EFCAB11: variants seen among roughly 807,000 people sequenced by gnomAD.
The protein encoded by EFCAB11 is EF-hand calcium-binding domain-containing protein 11.
A neutral mutation model predicts 23.0 loss-of-function variants in EFCAB11; 14 were observed. That is an observed-to-expected ratio of 0.61 (90% CI 0.40 to 0.95). The LOEUF (loss-of-function observed/expected upper bound fraction) is 0.95. EFCAB11 is among the 40% of genes least tolerant of loss of function. The probability of loss-of-function intolerance (pLI) is 0.00; values close to 1 mark genes in which losing one functional copy is unlikely to be tolerated. For synonymous variants in EFCAB11, 65 were observed against 66.6 expected (o/e 0.98, Z 0.11); for missense variants, 198 against 195.8 (o/e 1.01, Z -0.07).
At chr14:89,872,218 G>A (rs1315052491) in intron 5 of EFCAB11, among the ~76,000 whole-genome samples, 1 of 152,124 alleles carries the variant, frequency 6.6e-6, no homozygotes, top group Non-Finnish European at 1.5e-5. Flanking sequence ...TTGTTCTATT[G>A]CTATTTGCCA....
At position 89,842,616 on chromosome 14, in the gene EFCAB11, T is replaced by C. The variant is rs562669890; in HGVS notation, c.411-45292A>G. 5.3e-5 allele frequency among the ~76,000 whole-genome samples: 8 copies of C among 151,452 alleles called. No individual in the cohort carries two copies. In the South Asian group the frequency reaches 1.7e-3, roughly 32 times the overall value. ...TGATATAATATGATATGATATGATATGATATGATATGATATGATATGATAT... is the reference window on the plus strand; with the variant it reads ...TGATATAATATGATATGATATGATACGATATGATATGATATGATATGATAT... On this transcript the variant is annotated intron_variant, in intron 5 of 5. Coordinates refer to ENST00000316738, the MANE Select transcript of EFCAB11 (RefSeq NM_145231.4).
rs373109710 is a variant in EFCAB11 at position 89,914,641 on chromosome 14, C to T, written c.410+16900G>A. 4.9e-4 allele frequency among the ~76,000 whole-genome samples: 75 copies of T among 152,078 alleles called. No individual in the cohort carries two copies. In the South Asian group the frequency reaches 0.014, roughly 28 times the overall value. On this transcript the variant is annotated intron_variant, in intron 5 of 5. Coordinates refer to ENST00000316738, the MANE Select transcript of EFCAB11 (RefSeq NM_145231.4). ...CTCTACTAAAAATACAAAAATTACCCGGGCATGGTGGTGCACACCTGTAGT... is the reference window on the plus strand; with the variant it reads ...CTCTACTAAAAATACAAAAATTACCTGGGCATGGTGGTGCACACCTGTAGT...
chr14:89,881,385 A>G (rs1566795039), intron 5 of EFCAB11, among the ~76,000 whole-genome samples: 1 of 144,048 alleles, frequency 6.9e-6, no homozygotes, highest in East Asian at 2.0e-4. Flanking sequence ...CTCTCTACCC[A>G]TCAATAAAAT....
At chr14:89,835,595 T>TGTGTGTGC (rs1887048895) in intron 5 of EFCAB11, among the ~76,000 whole-genome samples, 1 of 126,892 alleles carries the variant, frequency 7.9e-6, no homozygotes, top group Non-Finnish European at 1.6e-5. Flanking sequence ...CGTGTGTGTG[T>TGTGTGTGC]GTGTGTGTGT....
At chr14:89,921,485 T>C (rs1184888274) in intron 5 of EFCAB11, among the ~76,000 whole-genome samples, 1 of 152,192 alleles carries the variant, frequency 6.6e-6, no homozygotes, top group Non-Finnish European at 1.5e-5. Flanking sequence ...AACTTTAATG[T>C]GCATATGAAT....
intron 5 of EFCAB11, among the ~76,000 whole-genome samples, chr14:89,832,116 C>G (rs1344333496): frequency 6.6e-6 from 1 of 152,046 alleles, no homozygotes; most frequent in Admixed American, 6.6e-5. Context: ...AGTTCGAGAC[C>G]AGCCTGGCCA....
intron 3 of EFCAB11, among the ~76,000 whole-genome samples, chr14:89,933,413 AT>A (rs1890466867): frequency 7.0e-6 from 1 of 142,690 alleles, no homozygotes; most frequent in Admixed American, 7.2e-5. Context: ...CCATAAAAAA[AT>A]TATCACTGTT....
chr14:89,821,368 C>T lies in EFCAB11; in HGVS notation c.411-24044G>A, dbSNP rs531853321. Among the ~76,000 whole-genome samples the T allele has an allele frequency of 3.9e-5, 6 of 152,274 alleles. No individual in the cohort carries two copies. The South Asian group carries it at 1.2e-3, about 32-fold the overall frequency. On this transcript the variant is annotated intron_variant, in intron 5 of 5. Coordinates refer to ENST00000316738, the MANE Select transcript of EFCAB11 (RefSeq NM_145231.4). ...TATGAACTCTGGACTTGCCAGCCCCCACAATCCTGCAAGCCAGTTCCTTAA... is the reference window on the plus strand; with the variant it reads ...TATGAACTCTGGACTTGCCAGCCCCTACAATCCTGCAAGCCAGTTCCTTAA...
At chr14:89,883,163 A>G (rs943624055) in intron 5 of EFCAB11, among the ~76,000 whole-genome samples, 4 of 152,218 alleles carry the variant, frequency 2.6e-5, no homozygotes, top group African/African-American at 4.8e-5. Flanking sequence ...TACATTATAA[A>G]TTATCCAGCT....
chr14:89,862,181 T>C (rs371089478), intron 5 of EFCAB11, among the ~76,000 whole-genome samples: 31 of 152,204 alleles, frequency 2.0e-4, no homozygotes, highest in East Asian at 7.7e-4. Flanking sequence ...TTGAATTATA[T>C]TGCAGCTCTG....
At chr14:89,846,866 G>A (rs1013947572) in intron 5 of EFCAB11, among the ~76,000 whole-genome samples, 5 of 152,116 alleles carry the variant, frequency 3.3e-5, no homozygotes, top group African/African-American at 7.2e-5. Flanking sequence ...CAATCCTGAC[G>A]TCAATCCAGT....
At position 89,806,620 on chromosome 14, in the gene EFCAB11, A is replaced by G. The variant is rs529903130; in HGVS notation, c.411-9296T>C. 4.6e-5 allele frequency among the ~76,000 whole-genome samples: 7 copies of G among 152,286 alleles called. 1 individual carries two copies. The highest frequency in any genetic ancestry group is 1.7e-4 in the African/African-American group (7 of 41,566). On this transcript the variant is annotated intron_variant, in intron 5 of 5. Transcript: ENST00000316738. ...CTTCCCCCCATGCCGTAAATATGCA[A>G]CTACCACAGGCCCACTCTGAATATG... is the stretch of plus-strand genomic sequence containing the variant.
chr14:89,892,402 G>A (rs527253984), intron 5 of EFCAB11: 2 of 1,592,658 alleles, frequency 1.3e-6, no homozygotes, highest in African/African-American at 2.7e-5. Context: ...AAATCCCCAG[G>A]TCCCCCAGCA....
intron 5 of EFCAB11, among the ~76,000 whole-genome samples, chr14:89,875,891 C>T (rs948431956): frequency 6.6e-6 from 1 of 152,150 alleles, no homozygotes; most frequent in Non-Finnish European, 1.5e-5. Flanking sequence ...GAGTGCCATT[C>T]ACCAAGGGAG....
rs1280916330 is a variant in EFCAB11 at position 89,950,105 on chromosome 14, T to C, written c.209A>G (p.Asn70Ser). The change falls in exon 3 of 6, where the codon AAT (asparagine) becomes AGT (serine). Residue 70 changes from asparagine to serine, a missense_variant. By Grantham distance (46) the Asn-to-Ser change is conservative. Transcript: ENST00000316738. Reference protein sequence around the residue: ...VDSVMSSINPNTSGILLEGFL... With the variant: ...VDSVMSSINPSTSGILLEGFL... Reference sequence around the variant, plus strand: ...ATTAACTTTCATATTACCAGAAGTATTTGGATTTATTGAAGACATCACAGA... The same window carrying C: ...ATTAACTTTCATATTACCAGAAGTACTTGGATTTATTGAAGACATCACAGA... The C allele has an allele frequency of 3.2e-6, 5 of 1,552,676 alleles. No homozygotes were observed. Among genetic ancestry groups the C allele is most frequent in the South Asian group, 1.1e-5 (1 of 88,008 alleles).
At chr14:89,832,690 T>C (rs144692057) in intron 5 of EFCAB11, among the ~76,000 whole-genome samples, 1 of 152,320 alleles carries the variant, frequency 6.6e-6, no homozygotes, top group East Asian at 1.9e-4. Flanking sequence ...TTAGAACACT[T>C]ACATTAGCCT....
intron 5 of EFCAB11, among the ~76,000 whole-genome samples, chr14:89,827,607 C>T (rs1174390891): frequency 6.8e-6 from 1 of 146,586 alleles, no homozygotes; most frequent in East Asian, 2.1e-4. Context: ...GACCATGTTT[C>T]ATGAAGCAAT....
intron 5 of EFCAB11, among the ~76,000 whole-genome samples, chr14:89,825,727 CATTTT>C (rs932200762): frequency 1.3e-5 from 2 of 151,750 alleles, no homozygotes; most frequent in Non-Finnish European, 2.9e-5. Flanking sequence ...TATTCTTTTA[CATTTT>C]ATTTCTCGAA....
At chr14:89,929,790 T>C (rs1890327482) in intron 5 of EFCAB11, among the ~76,000 whole-genome samples, 1 of 152,218 alleles carries the variant, frequency 6.6e-6, no homozygotes, top group Non-Finnish European at 1.5e-5. Context: ...TTCAAAAATG[T>C]TCTCCCTGTA....
Sources: gnomAD v4.1 joint callset for allele counts (sites outside exome capture counted in the v4.1 genomes callset) on GRCh38, gnomAD v4.1.1 for gene constraint, MANE v1.5 for transcripts, NCBI Gene and HGNC (gene_info 2026-07-23, HGNC 2026-07-21) for gene names.